IP6K1: variants seen among roughly 807,000 people sequenced by gnomAD.
IP6K1 encodes the protein ATP:1D-myo-inositol-hexakisphosphate phosphotransferase.
IP6K1 carries 13 observed loss-of-function variants against 38.3 expected under a neutral mutation model. The ratio of observed to expected loss-of-function variants is 0.34; its 90% CI spans 0.22 to 0.54. The LOEUF (loss-of-function observed/expected upper bound fraction) is 0.54, where lower values mean the gene tolerates loss of function less well. Ranked by LOEUF, IP6K1 falls within the 20% of genes least tolerant of loss-of-function variation. The probability of loss-of-function intolerance (pLI) is 0.92; values close to 1 mark genes in which losing one functional copy is unlikely to be tolerated. For synonymous variants in IP6K1, 212 were observed against 229.9 expected (o/e 0.92, Z 0.70); for missense variants, 397 against 599.8 (o/e 0.66, Z 3.53).
intron 2 of IP6K1, among the ~76,000 whole-genome samples, chr3:49,742,910 T>G (rs949592528): frequency 2.7e-5 from 4 of 150,728 alleles, no homozygotes; most frequent in Non-Finnish European, 4.4e-5. Flanking sequence ...TATAAATAAA[T>G]AAATTGGACT....
At chr3:49,779,114 T>C (rs1316660114) in intron 1 of IP6K1, among the ~76,000 whole-genome samples, 2 of 152,232 alleles carry the variant, frequency 1.3e-5, no homozygotes, top group Non-Finnish European at 2.9e-5. Flanking sequence ...ACTCTTAAGC[T>C]ATCTTTTTCC....
rs1054279833 is a variant in IP6K1 at position 49,742,770 on chromosome 3, G to A, written c.224-4348C>T. On this transcript the variant is annotated intron_variant, in intron 2 of 5. Coordinates refer to ENST00000321599, the MANE Select transcript of IP6K1 (RefSeq NM_153273.4). The stretch of plus-strand genomic sequence containing the variant: ...AAAAAAAGAGCCGGTGCACACCTGT[G>A]GTCCCAGCTACTCCAGAGGCTGAGG... Among the ~76,000 whole-genome samples, 16 of 151,240 alleles carry A rather than the reference G, an allele frequency of 1.1e-4. No homozygotes were observed. The East Asian group carries it at 3.1e-3, about 29-fold the overall frequency.
At chr3:49,743,425 A>G (rs994618260) in intron 2 of IP6K1, among the ~76,000 whole-genome samples, 4 of 151,894 alleles carry the variant, frequency 2.6e-5, no homozygotes, top group African/African-American at 7.3e-5. Flanking sequence ...GATCTCTTAA[A>G]TCTCAGCACT....
intron 4 of IP6K1, among the ~76,000 whole-genome samples, chr3:49,731,907 G>GAAAAAAAAAAAA (rs1277207284): frequency 8.7e-5 from 6 of 69,032 alleles, no homozygotes; most frequent in Admixed American, 1.8e-4. Flanking sequence ...AAAAAAAAAG[G>GAAAAAAAAAAAA]AATTCCTATG....
chr3:49,766,177 A>AAAAAAC (rs910391166), intron 1 of IP6K1, among the ~76,000 whole-genome samples: 18 of 152,216 alleles, frequency 1.2e-4, no homozygotes, highest in African/African-American at 2.4e-4. Context: ...CTCCATCTCA[A>AAAAAAC]AAAAACAAAA....
rs1183933899 is a variant in IP6K1 at position 49,741,829 on chromosome 3, T to C, written c.224-3407A>G. On this transcript the variant is annotated intron_variant, in intron 2 of 5. Transcript: ENST00000321599. Reference sequence around the variant, plus strand: ...AATGAGCCCTGCTTCCAGATAGGTGTTCTCTAAATTACAACCATCAGAACT... The same window carrying C: ...AATGAGCCCTGCTTCCAGATAGGTGCTCTCTAAATTACAACCATCAGAACT... 2.0e-5 allele frequency among the ~76,000 whole-genome samples: 3 copies of C among 152,144 alleles called. No homozygotes were observed. In the East Asian group the frequency reaches 5.8e-4, roughly 29 times the overall value.
In IP6K1 at chr3:49,748,044, G is replaced by A. The variant is rs1028543445; in HGVS notation, c.-4C>T. 6.2e-6 allele frequency: 10 copies of A among 1,612,584 alleles called. No homozygotes were observed. Among genetic ancestry groups the A allele is most frequent in the Non-Finnish European group, 8.5e-6 (10 of 1,180,016 alleles). On this transcript the variant is annotated 5_prime_UTR_variant, in exon 2 of 6. It adds an upstream start codon to the 5' untranslated region. Transcript: ENST00000321599. ...CCATGGTTTGACAAACACACATTGC[G>A]TTGGGGGCCAGTTGCACACTGAGGG...
chr3:49,775,638 C>T, intron 1 of IP6K1: 2 of 772,002 alleles, frequency 2.6e-6, no homozygotes, highest in African/African-American at 1.8e-5. Flanking sequence ...CCTTCCTCCC[C>T]ACAACATCAA....
chr3:49,772,287 T>G (rs901382497), intron 1 of IP6K1, among the ~76,000 whole-genome samples: 1 of 147,834 alleles, frequency 6.8e-6, no homozygotes, highest in African/African-American at 2.5e-5. Flanking sequence ...ATATGTTATA[T>G]AGTCTTCCTT....
At chr3:49,767,752 C>T (rs1021121235) in intron 1 of IP6K1, among the ~76,000 whole-genome samples, 2 of 151,760 alleles carry the variant, frequency 1.3e-5, no homozygotes, top group Non-Finnish European at 2.9e-5. Flanking sequence ...TTCTAAAAAA[C>T]CGATTAATTA....
chr3:49,745,191 CTAAG>C (rs2080709547), intron 2 of IP6K1, among the ~76,000 whole-genome samples: 1 of 151,848 alleles, frequency 6.6e-6, no homozygotes, highest in East Asian at 1.9e-4. Context: ...TATGAAGAAA[CTAAG>C]TAAGGTTCTA....
intron 1 of IP6K1, 121 bp from the exon 2 acceptor site, chr3:49,748,289 G>A (rs962879081): frequency 1.5e-5 from 8 of 526,256 alleles, no homozygotes; most frequent in Admixed American, 3.1e-5. Context: ...TCCCTAGCAC[G>A]TACAATACTA....
At chr3:49,777,717 A>G (rs2081029824) in intron 1 of IP6K1, among the ~76,000 whole-genome samples, 1 of 151,272 alleles carries the variant, frequency 6.6e-6, no homozygotes, top group Admixed American at 6.6e-5. Context: ...GATCGAGACC[A>G]TCCTGGCTAA....
Position 49,727,539 on chromosome 3 carries a change from C to T in IP6K1, c.909G>A (p.Leu303=). Residue 303 remains leucine (L), a synonymous_variant, in exon 6 of 6, where the codon CTG becomes CTA. Coordinates refer to ENST00000321599, the MANE Select transcript of IP6K1 (RefSeq NM_153273.4). The surrounding 1 kb of genome is among the most constrained non-coding windows in gnomAD (Gnocchi z 5.9). Reference sequence around the variant, plus strand: ...GGATAGGCTCAAACAGGTCACGTCGCAGGTCCAGGCCATTGTGCAGATATT... The same window carrying T: ...GGATAGGCTCAAACAGGTCACGTCGTAGGTCCAGGCCATTGTGCAGATATT... ...LYQYLHNGLD[L]RRDLFEPILS... 1 of 1,614,196 alleles carries T rather than the reference C, an allele frequency of 6.2e-7. No individual in the cohort carries two copies. Among genetic ancestry groups the T allele is most frequent in the South Asian group, 1.1e-5 (1 of 91,084 alleles).
chr3:49,757,949 A>C (rs2080838684), intron 1 of IP6K1, among the ~76,000 whole-genome samples: 1 of 152,188 alleles, frequency 6.6e-6, no homozygotes, highest in Non-Finnish European at 1.5e-5. Context: ...GGTGAAGCCA[A>C]AGCTCTGGTC....
chr3:49,780,218 CAT>C (rs1033876621), intron 1 of IP6K1, among the ~76,000 whole-genome samples: 3 of 151,502 alleles, frequency 2.0e-5, no homozygotes, highest in Admixed American at 1.3e-4. Flanking sequence ...CTGAAGTGAA[CAT>C]GTGTTCCCAT....
At chr3:49,751,455 C>A (rs533708561) in intron 1 of IP6K1, among the ~76,000 whole-genome samples, 42 of 152,192 alleles carry the variant, frequency 2.8e-4, no homozygotes, top group African/African-American at 9.4e-4. Context: ...CCACCATGCC[C>A]AACCCTGACT....
chr3:49,742,957 G>A (rs926937569), intron 2 of IP6K1, among the ~76,000 whole-genome samples: 7 of 151,898 alleles, frequency 4.6e-5, no homozygotes, highest in East Asian at 3.9e-4. Flanking sequence ...GTCCAGCCAC[G>A]GTGGCTCATA....
chr3:49,786,273 G>A (rs891257356), intron 1 of IP6K1, 81 bp downstream of exon 1: 6 of 152,180 alleles, frequency 3.9e-5, no homozygotes, highest in African/African-American at 1.2e-4. Context: ...GACCCCACAC[G>A]CGCCCACTCC....
Sources: allele counts gnomAD v4.1 joint callset (sites outside exome capture counted in the v4.1 genomes callset), GRCh38; gene constraint gnomAD v4.1.1; non-coding constraint Gnocchi (gnomAD v3.1); transcripts MANE v1.5; gene names NCBI Gene and HGNC (gene_info 2026-07-23, HGNC 2026-07-21).